FAP: variants seen among roughly 807,000 people sequenced by gnomAD.
The protein encoded by FAP is fibroblast activation protein alpha.
In FAP, 110 loss-of-function variants were observed where a neutral mutation model predicts 126.5. The observed-to-expected ratio is 0.87, with a 90% CI of 0.74 to 1.02. The LOEUF is 1.02. Among genes scored for constraint, FAP ranks in the 50% least tolerant of loss-of-function variants. The probability of loss-of-function intolerance (pLI) is 0.00; values close to 1 mark genes in which losing one functional copy is unlikely to be tolerated. For synonymous variants in FAP, 334 were observed against 297.3 expected, an observed-to-expected ratio of 1.12 and a Z score of -1.27; for missense variants, 919 against 909.2, an observed-to-expected ratio of 1.01 and a Z score of -0.14.
At chr2:162,174,498 A>G (rs1408311295) in intron 22 of FAP, among the ~76,000 whole-genome samples, 1 of 152,158 alleles carries the variant, frequency 6.6e-6, no homozygotes, top group Non-Finnish European at 1.5e-5. Context: ...TGTGGCGTGG[A>G]GGTGAACTGC....
At chr2:162,178,757 T>G (rs1687577779) in intron 21 of FAP, among the ~76,000 whole-genome samples, 1 of 152,222 alleles carries the variant, frequency 6.6e-6, no homozygotes, top group Non-Finnish European at 1.5e-5. Context: ...CCAAAAAATT[T>G]TGTTGGGTGC....
At chr2:162,221,099 G>A (rs1193021448) in intron 6 of FAP, among the ~76,000 whole-genome samples, 1 of 152,198 alleles carries the variant, frequency 6.6e-6, no homozygotes, top group Non-Finnish European at 1.5e-5. Flanking sequence ...AAGGGAACAT[G>A]GCATAGTTTT....
intron 17 of FAP, among the ~76,000 whole-genome samples, chr2:162,191,900 T>C (rs976505591): frequency 6.6e-6 from 1 of 152,270 alleles, no homozygotes; most frequent in East Asian, 1.9e-4. Flanking sequence ...GCCACTTCAC[T>C]GTGTTCCAAC....
chr2:162,175,165 C>A, intron 21 of FAP, 199 bp from the exon 22 acceptor site: 2 of 484,592 alleles, frequency 4.1e-6, no homozygotes, highest in Non-Finnish European at 7.5e-6. Flanking sequence ...TTCCCTAATT[C>A]ATTAGAAATA....
At chr2:162,237,240 T>C (rs1690175121) in intron 2 of FAP, among the ~76,000 whole-genome samples, 1 of 152,196 alleles carries the variant, frequency 6.6e-6, no homozygotes, top group Admixed American at 6.5e-5. Flanking sequence ...AAATTATACT[T>C]TAAGTTCTAG....
chr2:162,231,133 G>C (rs1387776899), intron 2 of FAP, among the ~76,000 whole-genome samples: 1 of 152,192 alleles, frequency 6.6e-6, no homozygotes, highest in Non-Finnish European at 1.5e-5. Context: ...CAAGGGGACT[G>C]ATTCTACCCC....
chr2:162,203,294 C>G (rs933334413), intron 12 of FAP, 149 bp from the exon 13 acceptor site: 5 of 606,554 alleles, frequency 8.2e-6, no homozygotes, highest in Non-Finnish European at 1.4e-5. Flanking sequence ...CATCTGAAAT[C>G]CCATTCTTTC....
chr2:162,241,106 T>C (rs764973780), intron 2 of FAP, among the ~76,000 whole-genome samples: 3 of 152,172 alleles, frequency 2.0e-5, no homozygotes, highest in Admixed American at 1.3e-4. Context: ...GAGAATGATA[T>C]AATGAACCAA....
Position 162,217,214 on chromosome 2 carries a change from A to G in FAP, c.762+772T>C, listed in dbSNP as rs184302069. ...CAGGGACCCACTGTGTCCAGCCACG[A>G]CAATATTCCCCTTGGCAAGTAAAAG... is the stretch of plus-strand genomic sequence containing the variant. On this transcript the variant is annotated intron_variant, in intron 9 of 25. Coordinates refer to ENST00000188790, the MANE Select transcript of FAP (RefSeq NM_004460.5). Among the ~76,000 whole-genome samples, 245 of 152,356 alleles carry G rather than the reference A, an allele frequency of 1.6e-3. 1 individual carries two copies. Among genetic ancestry groups the G allele is most frequent in the Admixed American group, 2.7e-3 (42 of 15,300 alleles).
chr2:162,204,961 T>A (rs1047727912), intron 12 of FAP, among the ~76,000 whole-genome samples: 5 of 152,112 alleles, frequency 3.3e-5, no homozygotes, highest in African/African-American at 4.8e-5. Flanking sequence ...TTTCAGCCAA[T>A]CATAGGCAGC....
At position 162,173,199 on chromosome 2, in the gene FAP, G is replaced by A. The variant is rs1408036472; in HGVS notation, c.2057C>T (p.Ala686Val). Residue 686 changes from alanine to valine, a missense_variant, in exon 24 of 26, where the codon GCA becomes GTA. Physicochemically the swap from Ala to Val is moderately conservative, Grantham distance 64. Coordinates refer to ENST00000188790, the MANE Select transcript of FAP (RefSeq NM_004460.5). ...HYKNSTVMARAEYFRNVDYLL... is the reference protein window; with the variant it reads ...HYKNSTVMARVEYFRNVDYLL... Reference sequence around the variant, plus strand: ...ATAGTCTACATTTCTGAAATATTCTGCTCTTGCCATCACAGTTGAATTCTG... The same window carrying A: ...ATAGTCTACATTTCTGAAATATTCTACTCTTGCCATCACAGTTGAATTCTG... The A allele has an allele frequency of 8.1e-6, 13 of 1,612,850 alleles. No homozygotes were observed. The highest frequency in any genetic ancestry group is 1.0e-5 in the Non-Finnish European group (12 of 1,179,158).
chr2:162,214,775 T>C (rs1160049154), intron 10 of FAP, among the ~76,000 whole-genome samples: 1 of 151,882 alleles, frequency 6.6e-6, no homozygotes, highest in African/African-American at 2.4e-5. Flanking sequence ...GTCCTAATAG[T>C]TATATACCTT....
At chr2:162,173,290 T>C (rs1687379481) in intron 23 of FAP, 69 bp from the exon 24 acceptor site, 1 of 1,096,672 alleles carries the variant, frequency 9.1e-7, no homozygotes, top group Non-Finnish European at 1.4e-6. Context: ...TAAATCATTG[T>C]GCAATGGACT....
At chr2:162,204,390 T>C (rs533618253) in intron 12 of FAP, among the ~76,000 whole-genome samples, 98 of 152,328 alleles carry the variant, frequency 6.4e-4, no homozygotes, top group Non-Finnish European at 1.1e-3. Context: ...AGCCACAGAA[T>C]GTGACCCTTT....
intron 6 of FAP, among the ~76,000 whole-genome samples, chr2:162,220,639 C>G (rs1689349487): frequency 6.6e-6 from 1 of 152,170 alleles, no homozygotes; most frequent in African/African-American, 2.4e-5. Context: ...TTGTAAAGTC[C>G]TCCACCCATG....
intron 15 of FAP, 147 bp downstream of exon 15, chr2:162,200,419 C>CTGATGTAGTATA: frequency 1.2e-5 from 7 of 561,606 alleles, no homozygotes; most frequent in East Asian, 6.4e-5. Flanking sequence ...GTTTTTTATA[C>CTGATGTAGTATA]CCATTCTCCA....
intron 21 of FAP, among the ~76,000 whole-genome samples, chr2:162,176,891 A>G (rs1687506059): frequency 6.6e-6 from 1 of 151,948 alleles, no homozygotes; most frequent in Non-Finnish European, 1.5e-5. Flanking sequence ...ATAGTGTTGT[A>G]TTTAAATAAA....
At chr2:162,217,656 G>A (rs1488765069) in intron 9 of FAP, among the ~76,000 whole-genome samples, 1 of 152,080 alleles carries the variant, frequency 6.6e-6, no homozygotes, top group Non-Finnish European at 1.5e-5. Flanking sequence ...ATTCAAGAGA[G>A]AATTGCAAAA....
At chr2:162,173,858 T>C in intron 22 of FAP, 71 bp from the exon 23 acceptor site, 1 of 1,001,472 alleles carries the variant, frequency 1.0e-6, no homozygotes, top group Non-Finnish European at 1.6e-6. Flanking sequence ...CAAGACCTTC[T>C]AGTTTAATAA....
Sources: allele counts gnomAD v4.1 joint callset (sites outside exome capture counted in the v4.1 genomes callset), GRCh38; gene constraint gnomAD v4.1.1; transcripts MANE v1.5; gene names NCBI Gene and HGNC (gene_info 2026-07-23, HGNC 2026-07-21).